ERC2: variants seen among roughly 807,000 people sequenced by gnomAD.
ERC2 encodes ELKS/RAB6-interacting/CAST family member 2, also known as ERC protein 2.
A neutral mutation model predicts 114.8 loss-of-function variants in ERC2; 42 were observed. The ratio of observed to expected loss-of-function variants is 0.37; its 90% CI spans 0.29 to 0.47. The LOEUF (loss-of-function observed/expected upper bound fraction) is 0.47, where lower values mean the gene tolerates loss of function less well. ERC2 is among the 20% of genes least tolerant of loss of function. The pLI is 0.99. For missense variants in ERC2, 939 were observed against 1,150.7 expected, an observed-to-expected ratio of 0.82 and a Z score of 2.66; for synonymous variants, 454 against 425.5, an observed-to-expected ratio of 1.07 and a Z score of -0.82.
rs557538899 is a variant in ERC2, at chr3:55,872,001, T to C, written c.2564+16388A>G. Among the ~76,000 whole-genome samples, 180 of 152,224 alleles carry C rather than the reference T, an allele frequency of 1.2e-3. 2 individuals are homozygous for C. The highest frequency in any genetic ancestry group is 6.8e-3 in the South Asian group (33 of 4,822). On this transcript the variant is annotated intron_variant, in intron 14 of 17. Transcript: ENST00000288221. ...AGATGAAATGACATAATATCTTAGT[T>C]TTGCTTCAAAATAATCTAGGGATGA...
chr3:56,337,675 G>A (rs2057914093), intron 2 of ERC2, among the ~76,000 whole-genome samples: 1 of 152,086 alleles, frequency 6.6e-6, no homozygotes, highest in Non-Finnish European at 1.5e-5. Context: ...CACCTTTTTT[G>A]GAAAATTTTG....
At chr3:55,747,311 T>C (rs951570464) in intron 14 of ERC2, among the ~76,000 whole-genome samples, 1 of 152,176 alleles carries the variant, frequency 6.6e-6, no homozygotes, top group Non-Finnish European at 1.5e-5. Context: ...GTGCCTGTTT[T>C]TTTTTTAAAG....
chr3:56,018,432 A>G (rs980112179), intron 8 of ERC2, among the ~76,000 whole-genome samples: 5 of 152,168 alleles, frequency 3.3e-5, no homozygotes, highest in African/African-American at 1.2e-4. Context: ...CATCTGAGGC[A>G]GGAAGGAGTA....
intron 13 of ERC2, among the ~76,000 whole-genome samples, chr3:55,892,195 T>C (rs1026048198): frequency 6.6e-6 from 1 of 152,198 alleles, no homozygotes; most frequent in African/African-American, 2.4e-5. Flanking sequence ...AAGAAATTAA[T>C]TTTTTTCTGA....
chr3:55,978,816 AT>A (rs2069815239), intron 12 of ERC2, among the ~76,000 whole-genome samples: 1 of 152,226 alleles, frequency 6.6e-6, no homozygotes, highest in Admixed American at 6.5e-5. Context: ...ACAATAGATA[AT>A]GTCTTGAATA....
At chr3:56,383,660 C>G (rs1226788460) in intron 2 of ERC2, among the ~76,000 whole-genome samples, 1 of 142,306 alleles carries the variant, frequency 7.0e-6, no homozygotes, top group Non-Finnish European at 1.6e-5. Flanking sequence ...TCATTATGGC[C>G]TTACTCTTTT....
At chr3:56,150,837 C>T (rs2081375632) in intron 4 of ERC2, among the ~76,000 whole-genome samples, 1 of 152,060 alleles carries the variant, frequency 6.6e-6, no homozygotes, top group African/African-American at 2.4e-5. Flanking sequence ...CTCTAACCCT[C>T]AATGTGATGG....
At chr3:56,322,272 T>A (rs977175361) in intron 2 of ERC2, among the ~76,000 whole-genome samples, 1 of 152,214 alleles carries the variant, frequency 6.6e-6, no homozygotes, top group Non-Finnish European at 1.5e-5. Context: ...AACAGTGGGC[T>A]TTTTGTTTGC....
intron 2 of ERC2, among the ~76,000 whole-genome samples, chr3:56,421,726 T>A (rs2061397355): frequency 6.6e-6 from 1 of 152,306 alleles, no homozygotes; most frequent in African/African-American, 2.4e-5. Flanking sequence ...ATATTCCTCA[T>A]CATCTTCCAA....
At chr3:55,896,366 A>AGGT in intron 13 of ERC2, among the ~76,000 whole-genome samples, 1 of 152,364 alleles carries the variant, frequency 6.6e-6, no homozygotes, top group South Asian at 2.1e-4. Flanking sequence ...GGGGAAGCGC[A>AGGT]GGTGGTGGCC....
intron 6 of ERC2, among the ~76,000 whole-genome samples, chr3:56,112,321 T>C (rs2079003506): frequency 6.6e-6 from 1 of 152,130 alleles, no homozygotes; most frequent in African/African-American, 2.4e-5. Flanking sequence ...AAGCAATTTT[T>C]GTCACAAGTT....
At chr3:56,466,811 G>A (rs1166752578) in intron 1 of ERC2, among the ~76,000 whole-genome samples, 1 of 152,142 alleles carries the variant, frequency 6.6e-6, no homozygotes, top group East Asian at 1.9e-4. Flanking sequence ...ACTTTACAAG[G>A]ACAAGAGTGA....
chr3:55,599,916 C>T lies in ERC2; in HGVS notation c.*39+83878G>A, dbSNP rs542269315. 1.4e-3 allele frequency among the ~76,000 whole-genome samples: 209 copies of T among 152,264 alleles called. 1 individual carries two copies. The highest frequency in any genetic ancestry group is 3.4e-3 in the Middle Eastern group (1 of 294). ...CAACATAACCTTTGACAAATCATAT[C>T]GCTCTCTGGGCCTCAGTTTCCTATC... is the stretch of plus-strand genomic sequence containing the variant. On this transcript the variant is annotated intron_variant, in intron 17 of 17. Transcript: ENST00000288221.
chr3:55,592,990 A>G (rs2057968469), intron 17 of ERC2, among the ~76,000 whole-genome samples: 1 of 152,166 alleles, frequency 6.6e-6, no homozygotes, highest in African/African-American at 2.4e-5. Context: ...CACTCATTCA[A>G]ATAAATTCTA....
At chr3:55,838,560 G>C (rs1046894224) in intron 14 of ERC2, among the ~76,000 whole-genome samples, 3 of 151,902 alleles carry the variant, frequency 2.0e-5, no homozygotes, top group African/African-American at 7.2e-5. Context: ...ACAGCAATTA[G>C]AGAGAAATTA....
At chr3:55,636,367 T>C (rs964290620) in intron 17 of ERC2, among the ~76,000 whole-genome samples, 1 of 152,102 alleles carries the variant, frequency 6.6e-6, no homozygotes, top group African/African-American at 2.4e-5. Flanking sequence ...GTTGTAACCT[T>C]GGGGAAATCA....
At chr3:56,256,669 G>A (rs2052536559) in intron 3 of ERC2, among the ~76,000 whole-genome samples, 1 of 152,076 alleles carries the variant, frequency 6.6e-6, no homozygotes, top group Non-Finnish European at 1.5e-5. Flanking sequence ...TGTCGAGGGA[G>A]GGACCTGTAA....
chr3:56,088,743 G>A (rs1030659373), intron 6 of ERC2, among the ~76,000 whole-genome samples: 7 of 152,042 alleles, frequency 4.6e-5, no homozygotes, highest in Non-Finnish European at 8.8e-5. Context: ...CATTTCTAAG[G>A]TATTACAAGG....
chr3:55,747,614 C>T (rs1016447184), intron 14 of ERC2, among the ~76,000 whole-genome samples: 11 of 152,206 alleles, frequency 7.2e-5, no homozygotes, highest in African/African-American at 2.4e-4. Flanking sequence ...CACACTAAGC[C>T]TATCTAATGC....
Sources: allele counts gnomAD v4.1 joint callset (sites outside exome capture counted in the v4.1 genomes callset), GRCh38; gene constraint gnomAD v4.1.1; transcripts MANE v1.5; gene names NCBI Gene and HGNC (gene_info 2026-07-23, HGNC 2026-07-21).